Variants in EPB41 observed in about 807,000 individuals in gnomAD.
The protein encoded by EPB41 is protein 4.1.
A neutral mutation model predicts 108.0 loss-of-function variants in EPB41; 65 were observed. That is an observed-to-expected ratio of 0.60 (90% CI 0.49 to 0.74). EPB41 has a LOEUF of 0.74. Among genes scored for constraint, EPB41 ranks in the 30% least tolerant of loss-of-function variants. EPB41 has a pLI of 0.00. For missense variants in EPB41, 875 were observed against 1,037.0 expected (o/e 0.84, Z 2.15); for synonymous variants, 336 against 358.9 (o/e 0.94, Z 0.72).
intron 1 of EPB41, among the ~76,000 whole-genome samples, chr1:28,978,531 A>G (rs1452509148): frequency 6.6e-6 from 1 of 151,592 alleles, no homozygotes; most frequent in African/African-American, 2.4e-5. Context: ...GGGTAGACTT[A>G]TAGACTTAAT....
chr1:29,074,844 A>G (rs1653173771), intron 16 of EPB41, among the ~76,000 whole-genome samples: 1 of 152,220 alleles, frequency 6.6e-6, no homozygotes. Flanking sequence ...TGTGGAGAAA[A>G]CACACTTTAG....
Position 28,887,606 on chromosome 1 carries a change from T to C in EPB41, c.-8+396T>C. On this transcript the variant is annotated intron_variant, in intron 1 of 16. Coordinates refer to the EPB41 transcript ENST00000347529. This position sits in a 1 kb window ranked among gnomAD's most constrained non-coding sequence, Gnocchi z 4.9. ...CGCCTTGCCCGGCCCCGCATGCTCCTGCCGGGCCCGCAGCAGCGCTGGAGC... is the reference window on the plus strand; with the variant it reads ...CGCCTTGCCCGGCCCCGCATGCTCCCGCCGGGCCCGCAGCAGCGCTGGAGC... The C allele has an allele frequency of 2.0e-6, 2 of 985,164 alleles. No homozygotes were observed. The highest frequency in any genetic ancestry group is 2.4e-6 in the Non-Finnish European group (2 of 829,836). 61.0% of individuals were successfully genotyped at this position (985,164 alleles called of 1,614,324 possible). A position where few individuals can be genotyped will look rare whatever the true frequency, so the allele number is the denominator to read the frequency against.
intron 1 of EPB41, among the ~76,000 whole-genome samples, chr1:28,950,082 T>C (rs1042895901): frequency 6.6e-6 from 1 of 152,216 alleles, no homozygotes; most frequent in Admixed American, 6.5e-5. Context: ...TGTCTATGCC[T>C]GTGATGTCTC....
intron 1 of EPB41, among the ~76,000 whole-genome samples, chr1:28,952,103 T>C (rs1473359747): frequency 6.6e-6 from 1 of 152,136 alleles, no homozygotes; most frequent in Non-Finnish European, 1.5e-5. Context: ...ATAGCCTGTA[T>C]TAAACTGGGT....
intron 16 of EPB41, 118 bp from the exon 17 acceptor site, chr1:29,097,689 A>G (rs1209695891): frequency 8.0e-7 from 1 of 1,248,080 alleles, no homozygotes; most frequent in African/African-American, 1.5e-5. Flanking sequence ...ACACCTTTGT[A>G]GATTGAGCTA....
At chr1:29,015,555 CAA>C (rs2096566918) in intron 5 of EPB41, 135 bp from the exon 6 acceptor site, 1 of 625,168 alleles carries the variant, frequency 1.6e-6, no homozygotes, top group African/African-American at 2.0e-5. Context: ...GCCTGGGCAA[CAA>C]GAGTGAGACT....
Position 28,985,553 on chromosome 1 carries a change from A to G in EPB41, c.-7-1878A>G, listed in dbSNP as rs182564272. 2.0e-3 allele frequency among the ~76,000 whole-genome samples: 301 copies of G among 152,344 alleles called. 1 individual carries two copies. The South Asian group carries it at 0.021, about 11-fold the overall frequency. On this transcript the variant is annotated intron_variant, in intron 1 of 20. Coordinates refer to ENST00000343067, the MANE Select transcript of EPB41 (RefSeq NM_001376013.1). ...AGGGAGGCCTCCTAAGGCATAAGAC[A>G]GTAATGATATGAAGGAGACCAGCCT...
intron 1 of EPB41, chr1:28,893,376 A>C (rs1448919379): frequency 6.6e-6 from 1 of 152,236 alleles, no homozygotes; most frequent in African/African-American, 2.4e-5. Flanking sequence ...CGGCTGGCCC[A>C]GGTTCTTAAA....
chr1:28,893,233 C>CAA (rs745843179), intron 1 of EPB41: 8 of 152,004 alleles, frequency 5.3e-5, no homozygotes, highest in Non-Finnish European at 1.2e-4. Context: ...ACCACACACA[C>CAA]CTAATTTTCA....
chr1:28,948,524 A>G (rs905743038), intron 1 of EPB41, among the ~76,000 whole-genome samples: 3 of 144,218 alleles, frequency 2.1e-5, no homozygotes, highest in African/African-American at 7.8e-5. Flanking sequence ...AAAAAAAAAA[A>G]GAAAGAAAGA....
In EPB41 at chr1:29,056,248, C is replaced by A. The variant is rs1489463671; in HGVS notation, c.1846-2341C>A. Among the ~76,000 whole-genome samples, 628 of 143,850 alleles carry A rather than the reference C, an allele frequency of 4.4e-3. 5 individuals are homozygous for A. The highest frequency in any genetic ancestry group is 0.012 in the African/African-American group (452 of 38,874). 94.4% of individuals were successfully genotyped at this position (143,850 alleles called of 152,430 possible). A position where few individuals can be genotyped will look rare whatever the true frequency, so the allele number is the denominator to read the frequency against. ...GACTCCGTCTCAAAAAAAAAAAAAA[C>A]AAAAAACAACAAAACAAAACAAAAC... On this transcript the variant is annotated intron_variant, in intron 12 of 20. Transcript: ENST00000343067.
chr1:29,087,653 G>A (rs1044858443), intron 16 of EPB41, among the ~76,000 whole-genome samples: 5 of 152,104 alleles, frequency 3.3e-5, no homozygotes, highest in African/African-American at 1.2e-4. Context: ...GAGCCACTGC[G>A]CCCGGCCCAT....
At chr1:28,933,015 G>A (rs1218126433) in intron 1 of EPB41, among the ~76,000 whole-genome samples, 1 of 152,066 alleles carries the variant, frequency 6.6e-6, no homozygotes, top group African/African-American at 2.4e-5. Flanking sequence ...AATACTGTTA[G>A]TATTGTGAAT....
intron 1 of EPB41, among the ~76,000 whole-genome samples, chr1:28,902,834 C>T (rs2147926375): frequency 6.6e-6 from 1 of 152,266 alleles, no homozygotes; most frequent in East Asian, 1.9e-4. Flanking sequence ...TGTTCTTAGG[C>T]ATGTCACTGC....
chr1:28,997,158 G>T, intron 3 of EPB41, 57 bp from the exon 4 acceptor site: 1 of 1,310,530 alleles, frequency 7.6e-7, no homozygotes, highest in South Asian at 1.2e-5. Flanking sequence ...TCTCTTTTGG[G>T]GAAAAAATAA....
intron 17 of EPB41, among the ~76,000 whole-genome samples, chr1:29,099,830 A>G (rs1269808626): frequency 6.6e-6 from 1 of 152,224 alleles, no homozygotes; most frequent in Non-Finnish European, 1.5e-5. Context: ...CATAGTCCCT[A>G]CCCTCTGGAA....
chr1:28,923,641 T>A lies in EPB41; in HGVS notation c.-8+8873T>A, dbSNP rs1376948532. Among the ~76,000 whole-genome samples the A allele has an allele frequency of 6.6e-5, 10 of 152,192 alleles. No individual in the cohort carries two copies. In the East Asian group the frequency reaches 1.9e-3, roughly 29 times the overall value. On this transcript the variant is annotated intron_variant, in intron 1 of 20. Transcript: ENST00000343067. Reference sequence around the variant, plus strand: ...GTTGACTTATCCTTGCTAGTTGTATTATCTCTAATATGACCATTAATGGAC... The same window carrying A: ...GTTGACTTATCCTTGCTAGTTGTATAATCTCTAATATGACCATTAATGGAC...
rs560331215 is a variant in EPB41 at position 29,119,783 on chromosome 1, G to A, written c.*2971G>A. ...TTGTTTCTACAAATCTCTCTCAAAT[G>A]TATTATTTTGGTGACAAAAATGAAG... On this transcript the variant is annotated 3_prime_UTR_variant, in exon 21 of 21. Transcript: ENST00000343067. 6.6e-6 allele frequency: 1 copy of A among 151,578 alleles called. No homozygotes were observed. Among genetic ancestry groups the A allele is most frequent in the African/African-American group, 2.4e-5 (1 of 41,042 alleles). The allele number at this position is 151,578 out of a possible 1,614,324, so 9.4% of individuals were successfully genotyped here. A position where few individuals can be genotyped will look rare whatever the true frequency, so the allele number is the denominator to read the frequency against.
intron 1 of EPB41, among the ~76,000 whole-genome samples, chr1:28,904,740 A>T: frequency 6.6e-6 from 1 of 152,104 alleles, no homozygotes; most frequent in East Asian, 1.9e-4. Context: ...TCTACTAAAA[A>T]TACAAAAAAT....
Sources: allele counts gnomAD v4.1 joint callset (sites outside exome capture counted in the v4.1 genomes callset), GRCh38; gene constraint gnomAD v4.1.1; non-coding constraint Gnocchi (gnomAD v3.1); transcripts MANE v1.5; gene names NCBI Gene and HGNC (gene_info 2026-07-23, HGNC 2026-07-21).